SNRNP70: variants seen among roughly 807,000 people sequenced by gnomAD.
SNRNP70 encodes U1 small nuclear ribonucleoprotein 70 kDa.
A neutral mutation model predicts 50.5 loss-of-function variants in SNRNP70; 8 were observed. The observed-to-expected ratio is 0.16, with a 90% CI of 0.09 to 0.29. The LOEUF (loss-of-function observed/expected upper bound fraction) is 0.29. Ranked by LOEUF, SNRNP70 falls within the 10% of genes least tolerant of loss-of-function variation. The probability of loss-of-function intolerance (pLI) is 1.00; values close to 1 mark genes in which losing one functional copy is unlikely to be tolerated. For missense variants in SNRNP70, 529 were observed against 663.5 expected (o/e 0.80, Z 2.23); for synonymous variants, 320 against 252.9 (o/e 1.27, Z -2.52).
intron 4 of SNRNP70, among the ~76,000 whole-genome samples, chr19:49,093,955 G>A (rs2040482297): frequency 1.3e-5 from 2 of 151,754 alleles, no homozygotes; most frequent in African/African-American, 2.4e-5. Context: ...CCCGGGAGGC[G>A]GAGTTTGCAG....
At chr19:49,101,547 C>T (rs2040586583) in intron 7 of SNRNP70, 76 bp downstream of exon 7, 2 of 914,648 alleles carry the variant, frequency 2.2e-6, no homozygotes, top group Non-Finnish European at 3.6e-6. Context: ...CCAGTCTGTC[C>T]CCTCCCCCAC....
intron 7 of SNRNP70, chr19:49,102,244 C>T (rs1337681939): frequency 1.6e-6 from 2 of 1,212,982 alleles, no homozygotes; most frequent in African/African-American, 1.6e-5. Flanking sequence ...AGCCAGGCAG[C>T]TCAGGAGCAG....
intron 7 of SNRNP70, 84 bp downstream of exon 7, chr19:49,101,555 C>A (rs1020147792): frequency 2.4e-6 from 2 of 825,962 alleles, no homozygotes; most frequent in African/African-American, 1.7e-5. Context: ...TCCCCTCCCC[C>A]ACCCTGCCAC....
chr19:49,098,754 G>A (rs1212326210), intron 6 of SNRNP70, 50 bp downstream of exon 6: 1 of 1,461,490 alleles, frequency 6.8e-7, no homozygotes, highest in Admixed American at 1.7e-5. Flanking sequence ...TGGAGGAGGG[G>A]CTGTATCCTG....
At position 49,090,447 on chromosome 19, in the gene SNRNP70, C is replaced by T. The variant is rs1055269692; in HGVS notation, c.211-19C>T. The T allele has an allele frequency of 9.9e-6, 16 of 1,613,874 alleles. No individual in the cohort carries two copies. In the South Asian group the frequency reaches 1.4e-4, roughly 14 times the overall value. ...CTTCTATCTGCATTCACTTCTCCAC[C>T]TCCCCTTTCTCCTGACAGAGACGGG... On this transcript the variant is annotated intron_variant, in intron 3 of 9. Transcript: ENST00000598441.
intron 8 of SNRNP70, among the ~76,000 whole-genome samples, chr19:49,105,497 G>A (rs1480594439): frequency 6.6e-6 from 1 of 152,118 alleles, no homozygotes; most frequent in Non-Finnish European, 1.5e-5. Flanking sequence ...GGGAGGCCGA[G>A]GCGGGTGGAT....
At position 49,108,516 on chromosome 19, in the gene SNRNP70, A is replaced by G; in HGVS notation, c.*73A>G. ...CCCCTTGCTGTCATCCCCTCCCCCAACCTTGGCCACTTGAGTTTGTCCTCC... is the reference window on the plus strand; with the variant it reads ...CCCCTTGCTGTCATCCCCTCCCCCAGCCTTGGCCACTTGAGTTTGTCCTCC... On this transcript the variant is annotated 3_prime_UTR_variant, in exon 10 of 10. Coordinates refer to ENST00000598441, the MANE Select transcript of SNRNP70 (RefSeq NM_003089.6). 5 of 1,518,284 alleles carry G rather than the reference A, an allele frequency of 3.3e-6. No individual in the cohort carries two copies. The highest frequency in any genetic ancestry group is 4.4e-6 in the Non-Finnish European group (5 of 1,131,084). The allele number at this position is 1,518,284 out of a possible 1,614,324, so 94.1% of individuals were successfully genotyped here.
At chr19:49,093,089 T>C (rs2122327739) in intron 4 of SNRNP70, among the ~76,000 whole-genome samples, 1 of 149,836 alleles carries the variant, frequency 6.7e-6, no homozygotes, top group South Asian at 2.1e-4. Context: ...CAAAAGTGTT[T>C]TTCATTTTTT....
At chr19:49,097,096 C>T (rs1432163309) in intron 4 of SNRNP70, among the ~76,000 whole-genome samples, 1 of 151,692 alleles carries the variant, frequency 6.6e-6, no homozygotes, top group African/African-American at 2.4e-5. Context: ...CGCCATTGCA[C>T]TTTAAGCCTG....
intron 6 of SNRNP70, among the ~76,000 whole-genome samples, chr19:49,099,069 C>A (rs2122356325): frequency 6.6e-6 from 1 of 152,280 alleles, no homozygotes; most frequent in South Asian, 2.1e-4. Flanking sequence ...CTCTCTGGGT[C>A]TTGGCAGAAT....
intron 2 of SNRNP70, among the ~76,000 whole-genome samples, chr19:49,089,780 A>C (rs1322790585): frequency 6.9e-6 from 1 of 144,644 alleles, no homozygotes; most frequent in Non-Finnish European, 1.5e-5. Context: ...CTCCTGCCTC[A>C]GCCTCCCGAG....
rs1209892435 is a variant in SNRNP70 at position 49,107,723 on chromosome 19, G to A, written c.665+11G>A. 6.2e-7 allele frequency: 1 copy of A among 1,613,742 alleles called. No homozygotes were observed. The highest frequency in any genetic ancestry group is 1.3e-5 in the African/African-American group (1 of 74,890). On this transcript the variant is annotated intron_variant, in intron 9 of 9. Transcript: ENST00000598441. The surrounding 1 kb of genome is among the most constrained non-coding windows in gnomAD (Gnocchi z 6.0). ...CCGCTACGATGAGAGGTAAGATTGG[G>A]CGACCGGTGTCCTGGGGTGGGGGGC...
intron 6 of SNRNP70, among the ~76,000 whole-genome samples, chr19:49,101,173 CTTTCTTT>C (rs765508821): frequency 8.8e-4 from 134 of 152,348 alleles, no homozygotes; most frequent in Non-Finnish European, 1.6e-3. Flanking sequence ...CATCTCTCTT[CTTTCTTT>C]AGGTCTTAGC....
rs752577951 is a variant in SNRNP70, at chr19:49,090,485, G to A, written c.230G>A (p.Arg77Gln). 3 of 1,614,102 alleles carry A rather than the reference G, an allele frequency of 1.9e-6. No homozygotes were observed. The highest frequency in any genetic ancestry group is 1.3e-5 in the African/African-American group (1 of 75,016). Residue 77 changes from arginine (R) to glutamine (Q), a missense_variant, in exon 4 of 10, where the codon CGG becomes CAG. By Grantham distance (43) the Arg-to-Gln change is conservative. Transcript: ENST00000598441. ...MERKRREKIE[R>Q]RQQEVETELK... ...TGACAGAGACGGGAAAAGATTGAGC[G>A]GCGACAGCAAGAAGTGGAGACAGAG...
At chr19:49,096,361 A>C (rs1384079810) in intron 4 of SNRNP70, among the ~76,000 whole-genome samples, 3 of 151,972 alleles carry the variant, frequency 2.0e-5, no homozygotes, top group Non-Finnish European at 4.4e-5. Flanking sequence ...CCAGCCTGGC[A>C]AGGAACTTGA....
chr19:49,085,680 T>C (rs772022981), intron 1 of SNRNP70, 44 bp downstream of exon 1: 1 of 454,992 alleles, frequency 2.2e-6, no homozygotes, highest in South Asian at 1.6e-5. Context: ...GCGGGGCCGC[T>C]ACCCAGAAGC....
rs932165617 is a variant in SNRNP70, at chr19:49,085,595, C to G, written c.-52C>G. ...TGCTGAGGGGCTGCCGCAGCCGCCG[C>G]GAGCCTCCGGACAGACGCCAGAGCG... On this transcript the variant is annotated 5_prime_UTR_variant, in exon 1 of 10. Coordinates refer to ENST00000598441, the MANE Select transcript of SNRNP70 (RefSeq NM_003089.6). The G allele has an allele frequency of 1.3e-5, 6 of 455,952 alleles. No individual in the cohort carries two copies. The highest frequency in any genetic ancestry group is 2.6e-5 in the Non-Finnish European group (6 of 226,806). 28.2% of individuals were successfully genotyped at this position (455,952 alleles called of 1,614,324 possible). A position where few individuals can be genotyped will look rare whatever the true frequency, so the allele number is the denominator to read the frequency against.
intron 2 of SNRNP70, among the ~76,000 whole-genome samples, chr19:49,087,177 C>CAAAA (rs11398967): frequency 9.9e-5 from 10 of 100,520 alleles, no homozygotes; most frequent in African/African-American, 2.0e-4. Flanking sequence ...AAGACTGTCT[C>CAAAA]AAAAAAAAAA....
chr19:49,092,510 G>A (rs1351384491), intron 4 of SNRNP70, among the ~76,000 whole-genome samples: 2 of 151,940 alleles, frequency 1.3e-5, no homozygotes, highest in African/African-American at 2.4e-5. Context: ...CTGGGTTCAA[G>A]TGATTCTCCT....
Sources: gnomAD v4.1 joint callset for allele counts (sites outside exome capture counted in the v4.1 genomes callset) on GRCh38, gnomAD v4.1.1 for gene constraint, Gnocchi (gnomAD v3.1) non-coding constraint, MANE v1.5 for transcripts, NCBI Gene and HGNC (gene_info 2026-07-23, HGNC 2026-07-21) for gene names.